Variants in MEOX1 observed in about 807,000 individuals in gnomAD.
The protein encoded by MEOX1 is homeobox protein MOX-1.
MEOX1 carries 17 observed loss-of-function variants against 23.2 expected under a neutral mutation model. The ratio of observed to expected loss-of-function variants is 0.73; its 90% CI spans 0.50 to 1.10. MEOX1 has a LOEUF of 1.10. Ranked by LOEUF, MEOX1 falls within the 50% of genes least tolerant of loss-of-function variation. The pLI, the probability that MEOX1 is intolerant of heterozygous loss-of-function variation, is 0.00. For missense variants in MEOX1, 333 were observed against 332.2 expected (o/e 1.00, Z -0.02); for synonymous variants, 134 against 135.1 (o/e 0.99, Z 0.06).
At chr17:43,643,075 G>A (rs1222147281) in intron 2 of MEOX1, among the ~76,000 whole-genome samples, 4 of 151,978 alleles carry the variant, frequency 2.6e-5, no homozygotes, top group African/African-American at 7.2e-5. Context: ...TTGGGAGGCC[G>A]AGGCGGGCGG....
chr17:43,647,963 C>T (rs530478668), intron 1 of MEOX1, among the ~76,000 whole-genome samples: 1 of 152,260 alleles, frequency 6.6e-6, no homozygotes, highest in East Asian at 1.9e-4. Flanking sequence ...TCAACGTTCA[C>T]CACTGTTGGA....
chr17:43,645,543 C>T (rs979150544), intron 1 of MEOX1, among the ~76,000 whole-genome samples: 2 of 152,174 alleles, frequency 1.3e-5, no homozygotes, highest in East Asian at 3.9e-4. Flanking sequence ...AAACCTGCGG[C>T]CCAACGTCCT....
In MEOX1 at chr17:43,643,531, C is replaced by T. The variant is rs1269631227; in HGVS notation, c.599G>A (p.Arg200His). 3.1e-6 allele frequency: 5 copies of T among 1,607,000 alleles called. No homozygotes were observed. Among genetic ancestry groups the T allele is most frequent in the Non-Finnish European group, 3.4e-6 (4 of 1,177,032 alleles). The change falls in exon 2 of 3, where the codon CGC (arginine) becomes CAC (histidine). Residue 200 changes from arginine to histidine, a missense_variant. Physicochemically the swap from Arg to His is conservative, Grantham distance 29. Coordinates refer to ENST00000318579, the MANE Select transcript of MEOX1 (RefSeq NM_004527.4). The part of the protein sequence containing the change: ...FAHHNYLTRL[R>H]RYEIAVNLDL... ...CAGGTTTACCGCAATCTCATATCTG[C>T]GGAGCCGAGTCAGGTAGTTATGATG...
At chr17:43,654,412 G>C (rs1182119687) in intron 1 of MEOX1, among the ~76,000 whole-genome samples, 7 of 152,136 alleles carry the variant, frequency 4.6e-5, no homozygotes, top group Non-Finnish European at 8.8e-5. Flanking sequence ...GGAGACTGAG[G>C]CAAGAGAATC....
At chr17:43,652,772 C>T (rs188540798) in intron 1 of MEOX1, among the ~76,000 whole-genome samples, 1 of 151,674 alleles carries the variant, frequency 6.6e-6, no homozygotes, top group East Asian at 1.9e-4. Flanking sequence ...TCTGGCGACC[C>T]AGGTGACACT....
chr17:43,652,240 G>T (rs3785807), intron 1 of MEOX1, among the ~76,000 whole-genome samples: 53,349 of 151,840 alleles, frequency 0.35, 10,420 homozygotes, highest in African/African-American at 0.53. Flanking sequence ...CTGCTGCAGC[G>T]GTGCACCCCT....
At chr17:43,643,168 C>A (rs1011449792) in intron 2 of MEOX1, among the ~76,000 whole-genome samples, 11 of 152,124 alleles carry the variant, frequency 7.2e-5, no homozygotes, top group Non-Finnish European at 1.2e-4. Flanking sequence ...CAAAAATTAG[C>A]CGGGCGTGGT....
At chr17:43,649,428 T>A (rs981530698) in intron 1 of MEOX1, among the ~76,000 whole-genome samples, 6 of 151,438 alleles carry the variant, frequency 4.0e-5, no homozygotes, top group African/African-American at 1.5e-4. Context: ...TGCCTCAGCC[T>A]CTGGAGTAGC....
At position 43,649,549 on chromosome 17, in the gene MEOX1, C is replaced by T. The variant is rs1004090596; in HGVS notation, c.470-5889G>A. Among the ~76,000 whole-genome samples, 12 of 152,262 alleles carry T rather than the reference C, an allele frequency of 7.9e-5. No individual in the cohort carries two copies. The East Asian group carries it at 2.3e-3, about 29-fold the overall frequency. ...CTCGAACTCCTGACCTCAGGTGATC[C>T]ACCTGCCTCGGCCTCCCAAAGTGCT... On this transcript the variant is annotated intron_variant, in intron 1 of 2. Coordinates refer to ENST00000318579, the MANE Select transcript of MEOX1 (RefSeq NM_004527.4).
At chr17:43,654,017 C>G (rs569362247) in intron 1 of MEOX1, among the ~76,000 whole-genome samples, 1 of 152,274 alleles carries the variant, frequency 6.6e-6, no homozygotes, top group Admixed American at 6.5e-5. Flanking sequence ...ACAGTTTGAA[C>G]CTTGTCCCTT....
chr17:43,653,541 G>T (rs1364809704), intron 1 of MEOX1, among the ~76,000 whole-genome samples: 5 of 134,406 alleles, frequency 3.7e-5, no homozygotes, highest in Non-Finnish European at 4.7e-5. Context: ...GACAGAGTCT[G>T]GCTCTGTCAC....
intron 1 of MEOX1, among the ~76,000 whole-genome samples, chr17:43,655,111 T>C (rs1303580312): frequency 6.6e-6 from 1 of 152,006 alleles, no homozygotes; most frequent in Non-Finnish European, 1.5e-5. Context: ...CTCATGTTCA[T>C]TGCAGCATTA....
chr17:43,656,154 T>C (rs1252593190), intron 1 of MEOX1, among the ~76,000 whole-genome samples: 1 of 152,240 alleles, frequency 6.6e-6, no homozygotes. Context: ...TAGCTTTCTT[T>C]GATACTATGT....
rs1431972641 is a variant in MEOX1, at chr17:43,645,220, A to G, written c.470-1560T>C. ...GAGATGGAGTCTCGCTCTGTCGCCA[A>G]GGCTAGAGTGCAGTGGTGCGATCTC... On this transcript the variant is annotated intron_variant, in intron 1 of 2. Coordinates refer to ENST00000318579, the MANE Select transcript of MEOX1 (RefSeq NM_004527.4). Among the ~76,000 whole-genome samples the G allele has an allele frequency of 3.5e-5, 5 of 144,100 alleles. No homozygotes were observed. The East Asian group carries it at 1.0e-3, about 29-fold the overall frequency. The allele number at this position is 144,100 out of a possible 152,430, so 94.5% of individuals were successfully genotyped here. A position where few individuals can be genotyped will look rare whatever the true frequency, so the allele number is the denominator to read the frequency against.
intron 1 of MEOX1, among the ~76,000 whole-genome samples, chr17:43,655,846 A>G (rs1973008371): frequency 6.6e-6 from 1 of 152,042 alleles, no homozygotes; most frequent in Non-Finnish European, 1.5e-5. Flanking sequence ...GGTGATTGCT[A>G]GGGGGTGGGG....
chr17:43,647,197 G>A (rs1409263856), intron 1 of MEOX1, among the ~76,000 whole-genome samples: 1 of 152,092 alleles, frequency 6.6e-6, no homozygotes, highest in African/African-American at 2.4e-5. Flanking sequence ...ACATGGGTTT[G>A]TGTGATAATT....
intron 1 of MEOX1, among the ~76,000 whole-genome samples, chr17:43,652,825 C>CTT (rs397856379): frequency 0.016 from 1,127 of 71,124 alleles, 9 homozygotes; most frequent in Middle Eastern, 0.021. Flanking sequence ...TCTACTATTG[C>CTT]TTTTTTTTTT....
Position 43,661,709 on chromosome 17 carries a change from A to T in MEOX1, c.-175T>A, listed in dbSNP as rs1973150349. The T allele has an allele frequency of 3.8e-6, 2 of 526,560 alleles. No individual in the cohort carries two copies. The highest frequency in any genetic ancestry group is 3.3e-6 in the Non-Finnish European group (1 of 304,572). 32.6% of individuals were successfully genotyped at this position (526,560 alleles called of 1,614,324 possible). On this transcript the variant is annotated 5_prime_UTR_variant, in exon 1 of 3. Transcript: ENST00000318579. ...AAACCCAAAACTAAAGTCTCTCCTT[A>T]AAGTACACACACATGTGGCCAGCTA...
At chr17:43,657,002 T>TTATTTCTTTC in intron 1 of MEOX1, among the ~76,000 whole-genome samples, 1 of 121,100 alleles carries the variant, frequency 8.3e-6, no homozygotes, top group East Asian at 2.0e-4. Context: ...TTCTTTTTCT[T>TTATTTCTTTC]TCTTTCTTTC....
Sources: gnomAD v4.1 joint callset for allele counts (sites outside exome capture counted in the v4.1 genomes callset) on GRCh38, gnomAD v4.1.1 for gene constraint, MANE v1.5 for transcripts, NCBI Gene and HGNC (gene_info 2026-07-23, HGNC 2026-07-21) for gene names.